The following ANKRD45 variants were observed in gnomAD, a reference collection of about 807,000 sequenced individuals.
The protein encoded by ANKRD45 is ankyrin repeat domain 45, also known as ankyrin repeat domain-containing protein 45.
Under a neutral mutation model 28.1 loss-of-function variants are expected in ANKRD45, and 21 were observed. The ratio of observed to expected loss-of-function variants is 0.75; its 90% CI spans 0.53 to 1.08. The LOEUF (loss-of-function observed/expected upper bound fraction) is 1.08, where lower values mean the gene tolerates loss of function less well. Among genes scored for constraint, ANKRD45 ranks in the 50% least tolerant of loss-of-function variants. The pLI, the probability that ANKRD45 is intolerant of heterozygous loss-of-function variation, is 0.00. For missense variants in ANKRD45, 261 were observed against 308.7 expected, an observed-to-expected ratio of 0.85 and a Z score of 1.16; for synonymous variants, 86 against 103.9, an observed-to-expected ratio of 0.83 and a Z score of 1.05.
chr1:173,688,630 CTCTT>C, the ANKRD45 span, among the ~76,000 whole-genome samples: 1 of 126,116 alleles, frequency 7.9e-6, no homozygotes, highest in Admixed American at 7.8e-5. Context: ...CCGCCTCTTC[CTCTT>C]TCTGCCTCTT....
intron 2 of ANKRD45, among the ~76,000 whole-genome samples, chr1:173,651,716 C>A (rs1669231913): frequency 6.6e-6 from 1 of 152,184 alleles, no homozygotes; most frequent in Non-Finnish European, 1.5e-5. Flanking sequence ...ATTGATTCTT[C>A]CTATCCATGA....
chr1:173,630,730 G>C (rs942112741), intron 3 of ANKRD45, among the ~76,000 whole-genome samples: 2 of 141,852 alleles, frequency 1.4e-5, no homozygotes, highest in Non-Finnish European at 3.1e-5. Flanking sequence ...TGAGGCAGGA[G>C]AATCGCTTGA....
the ANKRD45 span, among the ~76,000 whole-genome samples, chr1:173,675,002 TAA>T: frequency 6.6e-6 from 1 of 152,098 alleles, no homozygotes; most frequent in Non-Finnish European, 1.5e-5. Context: ...TAGAAGGTTG[TAA>T]AGTCTTATGT....
chr1:173,663,054 AACACACACACAC>A (rs60072209), intron 1 of ANKRD45, among the ~76,000 whole-genome samples: 7 of 140,348 alleles, frequency 5.0e-5, no homozygotes, highest in East Asian at 2.1e-4. Context: ...CCACCCTTCC[AACACACACACAC>A]ACACACACAC....
chr1:173,644,820 C>G (rs923375715), intron 3 of ANKRD45, among the ~76,000 whole-genome samples: 13 of 152,002 alleles, frequency 8.6e-5, no homozygotes, highest in African/African-American at 2.9e-4. Context: ...TGGTGAAACC[C>G]TGTCTCTACT....
intron 5 of ANKRD45, among the ~76,000 whole-genome samples, chr1:173,619,645 T>C (rs1380497930): frequency 3.9e-5 from 6 of 151,934 alleles, no homozygotes; most frequent in African/African-American, 1.5e-4. Context: ...CTAGCCAACA[T>C]AGTGAAACCC....
intron 5 of ANKRD45, among the ~76,000 whole-genome samples, chr1:173,617,232 C>T (rs1192101811): frequency 1.3e-5 from 2 of 152,118 alleles, no homozygotes. Flanking sequence ...TATATGCTCC[C>T]CTAGGAATAG....
intron 3 of ANKRD45, among the ~76,000 whole-genome samples, chr1:173,639,989 G>A (rs1209545150): frequency 3.3e-5 from 5 of 152,082 alleles, no homozygotes; most frequent in Admixed American, 3.3e-4. Context: ...CCTTCATCAG[G>A]GAGGGTAGAA....
intron 3 of ANKRD45, among the ~76,000 whole-genome samples, chr1:173,641,358 C>T (rs1164315019): frequency 6.6e-6 from 1 of 152,194 alleles, no homozygotes. Flanking sequence ...CAGAATCCCA[C>T]TGCTTGGGAT....
At chr1:173,663,554 T>C (rs926245647) in intron 1 of ANKRD45, among the ~76,000 whole-genome samples, 1 of 152,202 alleles carries the variant, frequency 6.6e-6, no homozygotes, top group African/African-American at 2.4e-5. Flanking sequence ...TAAACTGATC[T>C]TTATGGTGGA....
At chr1:173,648,929 GT>G (rs1669054070) in intron 2 of ANKRD45, among the ~76,000 whole-genome samples, 2 of 152,158 alleles carry the variant, frequency 1.3e-5, no homozygotes, top group Admixed American at 1.3e-4. Flanking sequence ...ACATAGTCAA[GT>G]TAGTGGAAAG....
chr1:173,708,497 G>C, the ANKRD45 span, among the ~76,000 whole-genome samples: 1 of 152,260 alleles, frequency 6.6e-6, no homozygotes, highest in Non-Finnish European at 1.5e-5. Context: ...CTGGTGCCTT[G>C]ATCTGGGGCC....
At chr1:173,611,576 T>TACACACAC (rs57884253) in intron 5 of ANKRD45, among the ~76,000 whole-genome samples, 45 of 133,984 alleles carry the variant, frequency 3.4e-4, no homozygotes, top group Non-Finnish European at 5.7e-4. Context: ...AATACATACA[T>TACACACAC]ACACACACAC....
At chr1:173,698,840 A>G in the ANKRD45 span, among the ~76,000 whole-genome samples, 1 of 152,200 alleles carries the variant, frequency 6.6e-6, no homozygotes, top group South Asian at 2.1e-4. Flanking sequence ...TGAAGAAGAT[A>G]GAGACACAAA....
rs865981077 is a variant in ANKRD45 at position 173,633,891 on chromosome 1, G to A, written c.497-6732C>T. Among the ~76,000 whole-genome samples, 36 of 152,096 alleles carry A rather than the reference G, an allele frequency of 2.4e-4. No homozygotes were observed. In the Middle Eastern group the frequency reaches 0.017, roughly 72 times the overall value. On this transcript the variant is annotated intron_variant, in intron 3 of 5. Coordinates refer to ENST00000333279, the MANE Select transcript of ANKRD45 (RefSeq NM_198493.3). ...ACCTCAAACTATGAAACTACTGTAA[G>A]AAAACATTTGGGAAAGTCTCCAGGA...
intron 4 of ANKRD45, 67 bp from the exon 5 acceptor site, chr1:173,624,992 TA>T: frequency 6.6e-7 from 1 of 1,507,680 alleles, no homozygotes. Flanking sequence ...ACAGTATCTC[TA>T]AACCAGCACG....
intron 3 of ANKRD45, among the ~76,000 whole-genome samples, chr1:173,640,640 GCT>G (rs1436747126): frequency 1.3e-5 from 2 of 151,972 alleles, no homozygotes; most frequent in African/African-American, 4.8e-5. Flanking sequence ...TTTAATGCTT[GCT>G]CTGTCACACC....
At chr1:173,714,580 C>G in the ANKRD45 span, among the ~76,000 whole-genome samples, 1 of 152,156 alleles carries the variant, frequency 6.6e-6, no homozygotes, top group Admixed American at 6.5e-5. Flanking sequence ...CATGCCAACC[C>G]ATGTGTGCAT....
At chr1:173,672,417 G>A (rs1379322363), upstream of ANKRD45, among the ~76,000 whole-genome samples, 1 of 152,030 alleles carries the variant, frequency 6.6e-6, no homozygotes, top group African/African-American at 2.4e-5. Flanking sequence ...TTAATATCTG[G>A]ATGGAAGATG....
Sources: allele counts gnomAD v4.1 joint callset (sites outside exome capture counted in the v4.1 genomes callset), GRCh38; gene constraint gnomAD v4.1.1; transcripts MANE v1.5; gene names NCBI Gene and HGNC (gene_info 2026-07-23, HGNC 2026-07-21).